The following SHANK2 variants were observed in gnomAD, a reference collection of about 807,000 sequenced individuals.
The protein encoded by SHANK2 is SH3 and multiple ankyrin repeat domains protein 2.
SHANK2 carries 43 observed loss-of-function variants against 133.7 expected under a neutral mutation model. The ratio of observed to expected loss-of-function variants is 0.32; its 90% confidence interval spans 0.25 to 0.41. The LOEUF (loss-of-function observed/expected upper bound fraction) is 0.41. Ranked by LOEUF, SHANK2 falls within the 10% of genes least tolerant of loss-of-function variation. The pLI, the probability that SHANK2 is intolerant of heterozygous loss-of-function variation, is 1.00. For missense variants in SHANK2, 1,994 were observed against 2,235.8 expected (o/e 0.89, Z 2.18); for synonymous variants, 1,017 against 952.8 (o/e 1.07, Z -1.24).
At chr11:71,139,720 T>C (rs1271805658) in intron 3 of SHANK2, among the ~76,000 whole-genome samples, 2 of 152,074 alleles carry the variant, frequency 1.3e-5, no homozygotes, top group Non-Finnish European at 2.9e-5. Context: ...GAGGCTGCCC[T>C]CCCTGTGCCC....
At chr11:70,919,737 C>T (rs1011782022) in intron 10 of SHANK2, among the ~76,000 whole-genome samples, 1 of 152,170 alleles carries the variant, frequency 6.6e-6, no homozygotes, top group Non-Finnish European at 1.5e-5. Context: ...TGACCAACAC[C>T]ACCCCAGCCC....
At chr11:70,905,513 T>G (rs1950088775) in intron 10 of SHANK2, among the ~76,000 whole-genome samples, 1 of 152,194 alleles carries the variant, frequency 6.6e-6, no homozygotes, top group African/African-American at 2.4e-5. Context: ...CCCCTCCGAA[T>G]TCATGTGTTG....
intron 17 of SHANK2, among the ~76,000 whole-genome samples, chr11:70,599,249 T>C (rs1004121256): frequency 5.9e-5 from 9 of 152,090 alleles, no homozygotes; most frequent in Non-Finnish European, 1.3e-4. Context: ...TGAAACTACC[T>C]AGGAATAAAT....
At chr11:70,800,116 A>C (rs1169211492) in intron 13 of SHANK2, among the ~76,000 whole-genome samples, 1 of 152,104 alleles carries the variant, frequency 6.6e-6, no homozygotes, top group Non-Finnish European at 1.5e-5. Flanking sequence ...CTTGACTCCC[A>C]GGCTTAAGTG....
intron 2 of SHANK2, among the ~76,000 whole-genome samples, chr11:71,210,228 ATATATATATATATATATATATATATT>A (rs1257288798): frequency 0.034 from 2,441 of 72,020 alleles, 174 homozygotes; most frequent in African/African-American, 0.11. Context: ...ATATATATAT[ATATATATATATATATATATATATATT>A]TATTTATTTT....
At chr11:71,134,285 G>C (rs1274716897) in intron 3 of SHANK2, among the ~76,000 whole-genome samples, 17 of 151,300 alleles carry the variant, frequency 1.1e-4, no homozygotes, top group Non-Finnish European at 2.2e-4. Context: ...GAAAGGGGAA[G>C]TGACTGCCAA....
chr11:71,247,647 T>C (rs1954980378), intron 1 of SHANK2, among the ~76,000 whole-genome samples: 1 of 152,118 alleles, frequency 6.6e-6, no homozygotes, highest in Non-Finnish European at 1.5e-5. Flanking sequence ...TCAGGGCTGC[T>C]CCAGCTGATC....
intron 14 of SHANK2, among the ~76,000 whole-genome samples, chr11:70,708,437 T>C (rs1555025415): frequency 6.6e-6 from 1 of 151,876 alleles, no homozygotes; most frequent in East Asian, 1.9e-4. Context: ...CCAAGTAACG[T>C]CCCCTCCACG....
At chr11:70,768,099 C>T (rs1229519085) in intron 14 of SHANK2, among the ~76,000 whole-genome samples, 2 of 152,144 alleles carry the variant, frequency 1.3e-5, no homozygotes, top group African/African-American at 2.4e-5. Context: ...TTTCTTGGAG[C>T]CTGTTTCCTT....
At chr11:70,518,457 CCT>C (rs2059292300) in intron 17 of SHANK2, among the ~76,000 whole-genome samples, 1 of 152,224 alleles carries the variant, frequency 6.6e-6, no homozygotes, top group Admixed American at 6.5e-5. Context: ...GCTCAGGCTC[CCT>C]GAGTGTACAG....
At chr11:70,732,844 C>G (rs1386405784) in intron 14 of SHANK2, among the ~76,000 whole-genome samples, 1 of 152,252 alleles carries the variant, frequency 6.6e-6, no homozygotes, top group Non-Finnish European at 1.5e-5. Flanking sequence ...TGCCATTTCC[C>G]TGCAGGGGAC....
chr11:71,224,133 G>T (rs781932348), intron 2 of SHANK2, among the ~76,000 whole-genome samples: 2 of 152,376 alleles, frequency 1.3e-5, no homozygotes, highest in Non-Finnish European at 2.9e-5. Context: ...TCCACTTTCT[G>T]CATGGAGCTG....
chr11:70,737,531 A>T (rs1353472799), intron 14 of SHANK2, among the ~76,000 whole-genome samples: 2 of 152,216 alleles, frequency 1.3e-5, no homozygotes, highest in African/African-American at 4.8e-5. Flanking sequence ...ATCTCGCTCC[A>T]GACATCCCTG....
chr11:71,087,640 T>C (rs2135078565), intron 8 of SHANK2, among the ~76,000 whole-genome samples: 1 of 152,254 alleles, frequency 6.6e-6, no homozygotes, highest in South Asian at 2.1e-4. Context: ...GTTGTTGTTG[T>C]TGTTGTTGTT....
chr11:70,484,510 C>T (rs1486700981), intron 25 of SHANK2, among the ~76,000 whole-genome samples: 1 of 152,122 alleles, frequency 6.6e-6, no homozygotes, highest in African/African-American at 2.4e-5. Flanking sequence ...CTGCAGAACT[C>T]GAGCCAATTA....
intron 2 of SHANK2, among the ~76,000 whole-genome samples, chr11:71,180,456 G>A (rs890551631): frequency 3.3e-5 from 5 of 152,162 alleles, no homozygotes; most frequent in African/African-American, 1.2e-4. Flanking sequence ...TAGGAGCAGA[G>A]GGAAAGCAAG....
intron 11 of SHANK2, among the ~76,000 whole-genome samples, chr11:70,827,152 G>A (rs1354876967): frequency 6.6e-6 from 1 of 151,938 alleles, no homozygotes; most frequent in South Asian, 2.1e-4. Flanking sequence ...TTCTGAACAC[G>A]ACCTATATTT....
At chr11:71,251,801 C>T (rs1457167151) in intron 1 of SHANK2, among the ~76,000 whole-genome samples, 2 of 151,234 alleles carry the variant, frequency 1.3e-5, no homozygotes. Flanking sequence ...CGCGCCGGCC[C>T]CGGCCTCTCC....
chr11:70,826,028 G>A (rs536404041), intron 11 of SHANK2, among the ~76,000 whole-genome samples: 5 of 152,326 alleles, frequency 3.3e-5, no homozygotes, highest in African/African-American at 9.6e-5. Context: ...GCAACCCCGG[G>A]ATGGGAGAGC....
Sources: gnomAD v4.1 joint callset for allele counts (sites outside exome capture counted in the v4.1 genomes callset) on GRCh38, gnomAD v4.1.1 for gene constraint, MANE v1.5 for transcripts, NCBI Gene and HGNC (gene_info 2026-07-23, HGNC 2026-07-21) for gene names.